DENND3: variants seen among roughly 807,000 people sequenced by gnomAD.
DENND3 encodes DENN domain-containing protein 3.
DENND3 carries 88 observed loss-of-function variants against 135.1 expected under a neutral mutation model. The observed-to-expected ratio is 0.65, with a 90% CI of 0.55 to 0.78. DENND3 has a LOEUF of 0.78. Ranked by LOEUF, DENND3 falls within the 30% of genes least tolerant of loss-of-function variation. The pLI is 0.00. For missense variants in DENND3, 1,392 were observed against 1,688.4 expected, an observed-to-expected ratio of 0.82 and a Z score of 3.08; for synonymous variants, 693 against 712.3, an observed-to-expected ratio of 0.97 and a Z score of 0.43.
At position 141,174,474 on chromosome 8, in the gene DENND3, TG is replaced by T. The variant is rs1822066048; in HGVS notation, c.2276-723del. Among the ~76,000 whole-genome samples, 1 of 152,142 alleles carries T rather than the reference TG, an allele frequency of 6.6e-6. No individual in the cohort carries two copies. The highest frequency in any genetic ancestry group is 2.1e-4 in the South Asian group (1 of 4,818). ...TTGGCAGGACCTGCCGGCAGGGACT[TG>T]GGATTTCCGAGGGGTCGTCCCATCT... On this transcript the variant is annotated intron_variant, in intron 13 of 22. Transcript: ENST00000519811. This position sits in a 1 kb window ranked among gnomAD's most constrained non-coding sequence, Gnocchi z 4.6.
In DENND3 at chr8:141,174,122, G is replaced by A. The variant is rs188555309; in HGVS notation, c.2276-1078G>A. On this transcript the variant is annotated intron_variant, in intron 13 of 22. Transcript: ENST00000519811. This position sits in a 1 kb window ranked among gnomAD's most constrained non-coding sequence, Gnocchi z 4.6. ...GCAGGCAGGATGAGTGTGTGTGTGC[G>A]TGTAACAACACGACCTGTTTGGGAG... is the stretch of plus-strand genomic sequence containing the variant. Among the ~76,000 whole-genome samples, 3 of 152,266 alleles carry A rather than the reference G, an allele frequency of 2.0e-5. No individual in the cohort carries two copies. Among genetic ancestry groups the A allele is most frequent in the East Asian group, 1.9e-4 (1 of 5,182 alleles).
chr8:141,131,139 A>G (rs911447415), intron 1 of DENND3, among the ~76,000 whole-genome samples: 13 of 152,018 alleles, frequency 8.6e-5, no homozygotes, highest in African/African-American at 3.1e-4. Flanking sequence ...TTCATTTCCT[A>G]GAAGGGGGAG....
intron 5 of DENND3, among the ~76,000 whole-genome samples, chr8:141,149,311 T>A (rs1180659476): frequency 6.6e-6 from 1 of 152,234 alleles, no homozygotes; most frequent in Non-Finnish European, 1.5e-5. Context: ...GCTGGCAGGT[T>A]CTCAGAAACT....
In DENND3 at chr8:141,168,287, G is replaced by T; in HGVS notation, c.2037G>T (p.Thr679=). The change falls in exon 13 of 23, where the codon ACG becomes ACT. Residue 679 remains threonine (T), a synonymous_variant. Transcript: ENST00000519811. The surrounding 1 kb of genome is among the most constrained non-coding windows in gnomAD (Gnocchi z 6.2). ...TTCCCACTGATTTGGTGAAGAGGAC[G>T]GTGGAATCCATGTCTGCCCCTGAGT... is the stretch of plus-strand genomic sequence containing the variant. ...RIFPTDLVKR[T]VESMSAPEWE... is the part of the protein sequence containing the mutation. The T allele has an allele frequency of 6.2e-7, 1 of 1,614,116 alleles. No homozygotes were observed. The highest frequency in any genetic ancestry group is 1.1e-5 in the South Asian group (1 of 91,088).
Position 141,128,863 on chromosome 8 carries a change from A to G in DENND3, c.102+54A>G. The G allele has an allele frequency of 7.8e-7, 1 of 1,289,916 alleles. No homozygotes were observed. Among genetic ancestry groups the G allele is most frequent in the South Asian group, 1.7e-5 (1 of 57,960 alleles). 79.9% of individuals were successfully genotyped at this position (1,289,916 alleles called of 1,614,324 possible). On this transcript the variant is annotated intron_variant, in intron 1 of 22. Transcript: ENST00000519811. The surrounding 1 kb of genome is among the most constrained non-coding windows in gnomAD (Gnocchi z 4.5). ...TGGGCCACGAGTCGGCAGCCGGGAC[A>G]GCAGTCGGAGAGCGGGCGCCCGGGT...
chr8:141,185,341 T>A (rs1823756633), intron 18 of DENND3, 63 bp downstream of exon 18: 3 of 1,602,840 alleles, frequency 1.9e-6, no homozygotes, highest in Non-Finnish European at 8.5e-7. Context: ...AACCCAAGTG[T>A]GTTCATCCAT....
chr8:141,134,133 T>G (rs1249319120), intron 1 of DENND3, among the ~76,000 whole-genome samples: 1 of 152,084 alleles, frequency 6.6e-6, no homozygotes, highest in Non-Finnish European at 1.5e-5. Flanking sequence ...TCTCATATGC[T>G]GCCTTGAATG....
Position 141,136,752 on chromosome 8 carries a change from G to A in DENND3, c.346G>A (p.Gly116Ser), listed in dbSNP as rs533272355. The change falls in exon 2 of 23, where the codon GGC (glycine) becomes AGC (serine). Residue 116 changes from glycine to serine, a missense_variant. Gly to Ser is a moderately conservative substitution (Grantham distance 56). Transcript: ENST00000519811. ...GCCTGAGGATGTCGCCGTCCCGGGC[G>A]GCGTGGACCTCCTCACCCTGCCGCA... ...PEPEDVAVPG[G>S]VDLLTLPQLC... is the part of the protein sequence containing the mutation. 6 of 1,595,752 alleles carry A rather than the reference G, an allele frequency of 3.8e-6. No homozygotes were observed. Among genetic ancestry groups the A allele is most frequent in the East Asian group, 2.3e-5 (1 of 44,146 alleles).
chr8:141,185,501 T>C, intron 18 of DENND3: 1 of 533,880 alleles, frequency 1.9e-6, no homozygotes, highest in Admixed American at 3.3e-5. Flanking sequence ...ATAATGGCTT[T>C]GACTTTCTCA....
At chr8:141,165,464 CTTTT>C (rs761618969) in intron 11 of DENND3, among the ~76,000 whole-genome samples, 175 bp downstream of exon 11, 2 of 139,358 alleles carry the variant, frequency 1.4e-5, no homozygotes, top group Non-Finnish European at 1.6e-5. Context: ...TCTACTTCTT[CTTTT>C]TTTTTTTTTT....
chr8:141,142,694 A>G (rs1817609468), intron 4 of DENND3: 3 of 242,514 alleles, frequency 1.2e-5, no homozygotes, highest in African/African-American at 7.1e-5. Flanking sequence ...AGGAAGTGAC[A>G]GAATGCCAAG....
Position 141,154,116 on chromosome 8 carries a change from G to A in DENND3, c.1075-1733G>A, listed in dbSNP as rs920132340. Among the ~76,000 whole-genome samples the A allele has an allele frequency of 2.6e-5, 4 of 152,230 alleles. No homozygotes were observed. Among genetic ancestry groups the A allele is most frequent in the African/African-American group, 9.7e-5 (4 of 41,450 alleles). On this transcript the variant is annotated intron_variant, in intron 7 of 22. Coordinates refer to ENST00000519811, the MANE Select transcript of DENND3 (RefSeq NM_001352890.3). The surrounding 1 kb of genome is among the most constrained non-coding windows in gnomAD (Gnocchi z 4.4). ...GCGTTTTGTGTATTTGCCTTGTAAG[G>A]TTTTGAGGCCAAGAATGTGTTTGCA...
chr8:141,187,297 G>A (rs530582019), intron 18 of DENND3, among the ~76,000 whole-genome samples: 17 of 150,238 alleles, frequency 1.1e-4, no homozygotes, highest in South Asian at 4.2e-4. Flanking sequence ...CCCATTGCCC[G>A]TGGCTGGAGT....
At chr8:141,171,613 GCAA>G (rs1189908427) in intron 13 of DENND3, among the ~76,000 whole-genome samples, 4 of 152,382 alleles carry the variant, frequency 2.6e-5, no homozygotes, top group Admixed American at 1.3e-4. Context: ...GTGGGCGTGT[GCAA>G]CAACTGCGTG....
intron 9 of DENND3, among the ~76,000 whole-genome samples, chr8:141,162,501 C>A (rs993852862): frequency 6.6e-6 from 1 of 152,168 alleles, no homozygotes; most frequent in African/African-American, 2.4e-5. Context: ...ATAATTTATT[C>A]TCTCCAAGAA....
At chr8:141,170,385 ATG>A (rs777938835) in intron 13 of DENND3, among the ~76,000 whole-genome samples, 4 of 151,850 alleles carry the variant, frequency 2.6e-5, no homozygotes, top group Non-Finnish European at 5.9e-5. Flanking sequence ...GTGTATATGA[ATG>A]TGTGTGGGTG....
At chr8:141,163,666 G>A (rs1820413065) in intron 10 of DENND3, among the ~76,000 whole-genome samples, 2 of 152,054 alleles carry the variant, frequency 1.3e-5, no homozygotes, top group South Asian at 4.1e-4. Flanking sequence ...CCAGCACTTT[G>A]GGAGGCCGAG....
At position 141,144,960 on chromosome 8, in the gene DENND3, T is replaced by C; in HGVS notation, c.735+701T>C. 6.6e-6 allele frequency among the ~76,000 whole-genome samples: 1 copy of C among 152,250 alleles called. No individual in the cohort carries two copies. On this transcript the variant is annotated intron_variant, in intron 5 of 22. Coordinates refer to ENST00000519811, the MANE Select transcript of DENND3 (RefSeq NM_001352890.3). This position sits in a 1 kb window ranked among gnomAD's most constrained non-coding sequence, Gnocchi z 4.4. ...CAAAGTATTTTACTGCAAATATGTT[T>C]CTTTGACATATTTTGAAATGGCACT... is the stretch of plus-strand genomic sequence containing the variant.
At chr8:141,132,489 C>T (rs1161308418) in intron 1 of DENND3, among the ~76,000 whole-genome samples, 5 of 152,082 alleles carry the variant, frequency 3.3e-5, no homozygotes, top group African/African-American at 9.7e-5. Flanking sequence ...TCCCGAGTAG[C>T]TGGGATTACA....
Sources: gnomAD v4.1 joint callset for allele counts (sites outside exome capture counted in the v4.1 genomes callset) on GRCh38, gnomAD v4.1.1 for gene constraint, Gnocchi (gnomAD v3.1) non-coding constraint, MANE v1.5 for transcripts, NCBI Gene and HGNC (gene_info 2026-07-23, HGNC 2026-07-21) for gene names.